Variants in COL11A2 observed in about 807,000 individuals in gnomAD.
COL11A2 encodes the protein collagen alpha-2(XI) chain.
Under a neutral mutation model 273.4 loss-of-function variants are expected in COL11A2, and 116 were observed. That is an observed-to-expected ratio of 0.42 (90% CI 0.36 to 0.49). The LOEUF (loss-of-function observed/expected upper bound fraction) is 0.49. Ranked by LOEUF, COL11A2 falls within the 20% of genes least tolerant of loss-of-function variation. The probability of loss-of-function intolerance (pLI) is 0.00; values close to 1 mark genes in which losing one functional copy is unlikely to be tolerated. For synonymous variants in COL11A2, 782 were observed against 864.2 expected (o/e 0.90, Z 1.67); for missense variants, 1,866 against 2,309.0 (o/e 0.81, Z 3.93).
Position 33,164,207 on chromosome 6 carries a change from ACCT to A in COL11A2, c.5070+57_5070+59del. 2.5e-6 allele frequency: 4 copies of A among 1,588,268 alleles called. No individual in the cohort carries two copies. In the South Asian group the frequency reaches 3.4e-5, roughly 14 times the overall value. ...GGTGCCCTGCCCAAGGGGTCTTCCC[ACCT>A]CCTTCCTCCAGCCTGAGTCTGAGAT... is the stretch of plus-strand genomic sequence containing the variant. On this transcript the variant is annotated intron_variant, in intron 65 of 65. Transcript: ENST00000341947. The surrounding 1 kb of genome is among the most constrained non-coding windows in gnomAD (Gnocchi z 4.7).
chr6:33,184,422 G>A (rs1416954290), intron 7 of COL11A2, 98 bp from the exon 8 acceptor site: 1 of 834,706 alleles, frequency 1.2e-6, no homozygotes, highest in East Asian at 5.4e-5. Flanking sequence ...TAGCCCAAAG[G>A]ATTCCAAGGT....
In COL11A2 at chr6:33,164,276, A is replaced by G. The variant is rs1396255676; in HGVS notation, c.5061T>C (p.Asp1687=). The G allele has an allele frequency of 3.1e-6, 5 of 1,612,760 alleles. No individual in the cohort carries two copies. Among genetic ancestry groups the G allele is most frequent in the Non-Finnish European group, 4.2e-6 (5 of 1,179,980 alleles). The change falls in exon 65 of 66, where the codon GAT becomes GAC. Residue 1687 remains aspartate (D), a synonymous_variant. Coordinates refer to ENST00000341947, the MANE Select transcript of COL11A2 (RefSeq NM_080680.3). This position sits in a 1 kb window ranked among gnomAD's most constrained non-coding sequence, Gnocchi z 4.7. The part of the protein sequence containing the change: ...ETSPYVKEFR[D]GCQTQQGRTV... Reference sequence around the variant, plus strand: ...CTCTTCCTGTTCCCACCTGGCAGCCATCTCTGAATTCTTTGACATAGGGGC... The same window carrying G: ...CTCTTCCTGTTCCCACCTGGCAGCCGTCTCTGAATTCTTTGACATAGGGGC...
chr6:33,185,468 G>A (rs1383964551), intron 6 of COL11A2, among the ~76,000 whole-genome samples: 2 of 152,122 alleles, frequency 1.3e-5, no homozygotes, highest in African/African-American at 4.8e-5. Flanking sequence ...AGGTGGGGTA[G>A]GCTTTCAGGG....
In COL11A2 at chr6:33,188,488, A is replaced by G. The variant is rs142969513; in HGVS notation, c.480T>C (p.Ser160=). 2.5e-6 allele frequency: 4 copies of G among 1,613,070 alleles called. No homozygotes were observed. The highest frequency in any genetic ancestry group is 3.4e-6 in the Non-Finnish European group (4 of 1,180,032). Residue 160 remains serine, a synonymous_variant, in exon 4 of 66, where the codon TCT becomes TCC. Transcript: ENST00000341947. ...TCTTGCAGTCAACAATGAGGGTGAC[A>G]GACTGGCCCTTCACAGCCACAGCCA... ...HRVAVAVKGQ[S]VTLIVDCKKR...
In COL11A2 at chr6:33,176,261, T is replaced by C. The variant is rs758013575; in HGVS notation, c.2212A>G (p.Lys738Glu). 1.9e-6 allele frequency: 3 copies of C among 1,608,356 alleles called. No homozygotes were observed. Among genetic ancestry groups the C allele is most frequent in the Admixed American group, 3.4e-5 (2 of 59,220 alleles). The change falls in exon 28 of 66, where the codon AAG (lysine) becomes GAG (glutamate). Residue 738 changes from lysine to glutamate, a missense_variant and splice_region_variant. Coordinates refer to ENST00000341947, the MANE Select transcript of COL11A2 (RefSeq NM_080680.3). This position sits in a 1 kb window ranked among gnomAD's most constrained non-coding sequence, Gnocchi z 4.9. ...IRGLKGHKGEKGEDGFPGFKG... is the reference protein window; with the variant it reads ...IRGLKGHKGEEGEDGFPGFKG... ...GAAGCTGGGGGCATGGTGCTCACCT[T>C]CTCACCCTTATGACCCTTCAGACCC...
chr6:33,174,612 G>A, intron 30 of COL11A2, 32 bp from the exon 31 acceptor site: 1 of 1,608,384 alleles, frequency 6.2e-7, no homozygotes, highest in Non-Finnish European at 8.5e-7. Flanking sequence ...TTAGGAGTGA[G>A]AGGAGGCCCA....
At position 33,169,088 on chromosome 6, in the gene COL11A2, T is replaced by G. The variant is rs1409116102; in HGVS notation, c.3799-80A>C. On this transcript the variant is annotated intron_variant, in intron 51 of 65. Coordinates refer to ENST00000341947, the MANE Select transcript of COL11A2 (RefSeq NM_080680.3). This position sits in a 1 kb window ranked among gnomAD's most constrained non-coding sequence, Gnocchi z 5.5. Reference sequence around the variant, plus strand: ...ACAGACGCCCACAGGCACACGCCACTGCCTCTCTAGAGGCAGTGCCCACCA... The same window carrying G: ...ACAGACGCCCACAGGCACACGCCACGGCCTCTCTAGAGGCAGTGCCCACCA... The G allele has an allele frequency of 1.4e-6, 2 of 1,405,874 alleles. No individual in the cohort carries two copies. Among genetic ancestry groups the G allele is most frequent in the Middle Eastern group, 1.9e-4 (1 of 5,388 alleles). 87.1% of individuals were successfully genotyped at this position (1,405,874 alleles called of 1,614,324 possible). A position where few individuals can be genotyped will look rare whatever the true frequency, so the allele number is the denominator to read the frequency against.
In COL11A2 at chr6:33,173,503, G is replaced by A. The variant is rs2855430; in HGVS notation, c.2681C>T (p.Pro894Leu). 210,700 of 1,611,686 alleles carry A rather than the reference G, an allele frequency of 0.13. 14,943 individuals are homozygous for A. Among genetic ancestry groups the A allele is most frequent in the South Asian group, 0.18 (16,697 of 90,986 alleles). ...GGTCAGAGCTCGGGGTCAACTTACC[G>A]GGGGTCCTTTCGGTCCAGGAAACCC... ...PNGFPGPKGP[P>L]GPPGKDGLPG... The change falls in exon 36 of 66, where the codon CCG becomes CTG. Residue 894 changes from proline to leucine, a missense_variant and splice_region_variant. Pro to Leu is a moderately conservative substitution (Grantham distance 98). Coordinates refer to ENST00000341947, the MANE Select transcript of COL11A2 (RefSeq NM_080680.3). This position sits in a 1 kb window ranked among gnomAD's most constrained non-coding sequence, Gnocchi z 6.3.
At chr6:33,191,729 T>C (rs2150634653) in intron 1 of COL11A2, among the ~76,000 whole-genome samples, 1 of 152,364 alleles carries the variant, frequency 6.6e-6, no homozygotes, top group East Asian at 1.9e-4. Context: ...TACTGGGCTC[T>C]GCTCTGAATC....
intron 31 of COL11A2, 86 bp downstream of exon 31, chr6:33,174,441 G>C: frequency 6.5e-7 from 1 of 1,545,992 alleles, no homozygotes; most frequent in Admixed American, 1.9e-5. Context: ...CCACTGCCCT[G>C]CATCTGTGCT....
rs1441385490 is a variant in COL11A2, at chr6:33,165,454, C to G, written c.4750+95G>C. The G allele has an allele frequency of 2.5e-6, 4 of 1,581,836 alleles. No individual in the cohort carries two copies. The Admixed American group carries it at 5.0e-5, about 20-fold the overall frequency. On this transcript the variant is annotated intron_variant, in intron 63 of 65. Coordinates refer to ENST00000341947, the MANE Select transcript of COL11A2 (RefSeq NM_080680.3). This position sits in a 1 kb window ranked among gnomAD's most constrained non-coding sequence, Gnocchi z 7.7. ...AGCCCCTCAGCCCTCACCCTTAACC[C>G]AACACCTTCACCAAGACTCCCCCAG...
In COL11A2 at chr6:33,169,862, G is replaced by A; in HGVS notation, c.3659C>T (p.Ser1220Phe). 1 of 1,614,114 alleles carries A rather than the reference G, an allele frequency of 6.2e-7. No individual in the cohort carries two copies. Among genetic ancestry groups the A allele is most frequent in the Non-Finnish European group, 8.5e-7 (1 of 1,180,006 alleles). ...ACCTGGCTCGCCCTGGATCCCTGGAGATCCTGACTCTCCTGGTTCCCCCTG... is the reference window on the plus strand; with the variant it reads ...ACCTGGCTCGCCCTGGATCCCTGGAAATCCTGACTCTCCTGGTTCCCCCTG... ...GEKGEPGESG[S>F]PGIQGEPGVK... is the part of the protein sequence containing the mutation. The change falls in exon 50 of 66, where the codon TCT becomes TTT. Residue 1220 changes from serine to phenylalanine, a missense_variant. Physicochemically the swap from Ser to Phe is radical, Grantham distance 155. Transcript: ENST00000341947. The surrounding 1 kb of genome is among the most constrained non-coding windows in gnomAD (Gnocchi z 5.5).
At chr6:33,188,312 C>A (rs1039184718) in intron 4 of COL11A2, 50 bp downstream of exon 4, 1 of 1,609,608 alleles carries the variant, frequency 6.2e-7, no homozygotes, top group Admixed American at 1.7e-5. Flanking sequence ...GGGTAGTGGG[C>A]ACAAGATAGG....
intron 39 of COL11A2, 30 bp downstream of exon 39, chr6:33,172,500 C>G (rs756199354): frequency 5.0e-6 from 8 of 1,601,856 alleles, no homozygotes; most frequent in Non-Finnish European, 6.8e-6. Flanking sequence ...CCAGCTCCCC[C>G]ACTTCCCCTC....
Position 33,173,227 on chromosome 6 carries a change from A to C in COL11A2, c.2737-114T>G. On this transcript the variant is annotated intron_variant, in intron 37 of 65. Transcript: ENST00000341947. This position sits in a 1 kb window ranked among gnomAD's most constrained non-coding sequence, Gnocchi z 6.3. The stretch of plus-strand genomic sequence containing the variant: ...CACCAAGCCCTGGGCCCTGGGTCTG[A>C]GCAGCACCAGGGCAGGCTCCACTCT... 1 of 1,522,620 alleles carries C rather than the reference A, an allele frequency of 6.6e-7. No individual in the cohort carries two copies. The highest frequency in any genetic ancestry group is 9.0e-7 in the Non-Finnish European group (1 of 1,111,084). The allele number at this position is 1,522,620 out of a possible 1,614,324, so 94.3% of individuals were successfully genotyped here. A position where few individuals can be genotyped will look rare whatever the true frequency, so the allele number is the denominator to read the frequency against.
At chr6:33,175,459 A>C in intron 30 of COL11A2, 115 bp downstream of exon 30, 1 of 804,202 alleles carries the variant, frequency 1.2e-6, no homozygotes, top group Non-Finnish European at 2.2e-6. Context: ...AAGTATGACT[A>C]ATGCATGGCC....
Position 33,166,002 on chromosome 6 carries a change from A to C in COL11A2, c.4429-18T>G, listed in dbSNP as rs1208918461. On this transcript the variant is annotated intron_variant, in intron 61 of 65. Transcript: ENST00000341947. The surrounding 1 kb of genome is among the most constrained non-coding windows in gnomAD (Gnocchi z 4.8). ...CCTGGGCCCTGACAAGGAATAAATCAGGTCATGGAGGGGTCAAGAGGTCAA... is the reference window on the plus strand; with the variant it reads ...CCTGGGCCCTGACAAGGAATAAATCCGGTCATGGAGGGGTCAAGAGGTCAA... 1 of 1,613,948 alleles carries C rather than the reference A, an allele frequency of 6.2e-7. No homozygotes were observed. The highest frequency in any genetic ancestry group is 8.5e-7 in the Non-Finnish European group (1 of 1,179,996).
Position 33,166,539 on chromosome 6 carries a change from C to G in COL11A2, c.4366G>C (p.Gly1456Arg), listed in dbSNP as rs2150521401. ...GGGAGGCCGGGGGGACCTCCAGGAC[C>G]AATGGGGCCGGATGCTCCTGGGATA... ...MGIPGASGPI[G>R]PGGPPGLPGP... The change falls in exon 60 of 66, where the codon GGT becomes CGT. Residue 1456 changes from glycine (G) to arginine (R), a missense_variant. Transcript: ENST00000341947. The surrounding 1 kb of genome is among the most constrained non-coding windows in gnomAD (Gnocchi z 4.8). The G allele has an allele frequency of 6.2e-7, 1 of 1,613,800 alleles. No individual in the cohort carries two copies. Among genetic ancestry groups the G allele is most frequent in the Non-Finnish European group, 8.5e-7 (1 of 1,179,862 alleles).
At chr6:33,186,950 T>C (rs1380193282) in intron 4 of COL11A2, 132 bp from the exon 5 acceptor site, 3 of 1,186,722 alleles carry the variant, frequency 2.5e-6, no homozygotes, top group East Asian at 2.3e-5. Flanking sequence ...CAGTCCTCCA[T>C]ATGCATAGCC....
Sources: gnomAD v4.1 joint callset for allele counts (sites outside exome capture counted in the v4.1 genomes callset) on GRCh38, gnomAD v4.1.1 for gene constraint, Gnocchi (gnomAD v3.1) non-coding constraint, MANE v1.5 for transcripts, NCBI Gene and HGNC (gene_info 2026-07-23, HGNC 2026-07-21) for gene names.